The following PITRM1 variants were observed in gnomAD, a reference collection of about 807,000 sequenced individuals.
The protein encoded by PITRM1 is pitrilysin metallopeptidase 1.
A neutral mutation model predicts 129.9 loss-of-function variants in PITRM1; 100 were observed. The observed-to-expected ratio is 0.77, with a 90% confidence interval of 0.65 to 0.91. The LOEUF (loss-of-function observed/expected upper bound fraction) is 0.91. Among genes scored for constraint, PITRM1 ranks in the 40% least tolerant of loss-of-function variants. The pLI is 0.00. For synonymous variants in PITRM1, 591 were observed against 508.8 expected (o/e 1.16, Z -2.17); for missense variants, 1,471 against 1,318.3 (o/e 1.12, Z -1.79).
rs142560962 is a variant in PITRM1 at position 3,159,954 on chromosome 10, G to C, written c.919-18C>G. 4.4e-5 allele frequency: 67 copies of C among 1,528,034 alleles called. No homozygotes were observed. The highest frequency in any genetic ancestry group is 5.8e-5 in the Non-Finnish European group (65 of 1,114,140). The allele number at this position is 1,528,034 out of a possible 1,614,324, so 94.7% of individuals were successfully genotyped here. A position where few individuals can be genotyped will look rare whatever the true frequency, so the allele number is the denominator to read the frequency against. On this transcript the variant is annotated intron_variant, in intron 8 of 26. Transcript: ENST00000224949. ...AATTCCCTCTGTAAAATGACGTGAC[G>C]TTGTGAGTAGGCACAGTGTCTGACG...
rs779150706 is a variant in PITRM1 at position 3,138,252 on chromosome 10, G to A, written c.3003C>T (p.Leu1001=). ...EQLFAVSHDK[L]LAVSDRYLGT... ...CCACTCACCTATCGCTCACGGCCAG[G>A]AGCTTGTCGTGGCTGACAGCAAAGA... The change falls in exon 26 of 27, where the codon CTC becomes CTT. Residue 1001 remains leucine (L), a synonymous_variant. Coordinates refer to ENST00000224949, the MANE Select transcript of PITRM1 (RefSeq NM_014889.4). 6 of 1,613,304 alleles carry A rather than the reference G, an allele frequency of 3.7e-6. No homozygotes were observed. Among genetic ancestry groups the A allele is most frequent in the Admixed American group, 1.7e-5 (1 of 60,018 alleles).
At chr10:3,165,102 C>CACT in intron 6 of PITRM1, 136 bp downstream of exon 6, 1 of 725,912 alleles carries the variant, frequency 1.4e-6, no homozygotes, top group Non-Finnish European at 2.2e-6. Context: ...CTGCTCACAG[C>CACT]ACTGACCCCA....
At position 3,163,820 on chromosome 10, in the gene PITRM1, T is replaced by C; in HGVS notation, c.696A>G (p.Ser232=). ...ACAGTGGGTCACCCCCGGAGACCAC[T>C]GAGTACGTGTGGTCAGGAAGAAGTC... ...QNRLLPDHTY[S]VVSGGDPLCI... Residue 232 remains serine, a synonymous_variant, in exon 7 of 27, where the codon TCA becomes TCG. Coordinates refer to ENST00000224949, the MANE Select transcript of PITRM1 (RefSeq NM_014889.4). 1 of 1,611,134 alleles carries C rather than the reference T, an allele frequency of 6.2e-7. No individual in the cohort carries two copies. Among genetic ancestry groups the C allele is most frequent in the South Asian group, 1.1e-5 (1 of 90,894 alleles).
intron 1 of PITRM1, 139 bp downstream of exon 1, chr10:3,172,578 C>T: frequency 1.3e-6 from 1 of 756,564 alleles, no homozygotes; most frequent in Non-Finnish European, 2.0e-6. Context: ...CCAGGAAGGG[C>T]TCGGGGTGCG....
chr10:3,147,348 G>T, intron 19 of PITRM1, 98 bp from the exon 20 acceptor site: 1 of 1,037,540 alleles, frequency 9.6e-7, no homozygotes, highest in Non-Finnish European at 1.5e-6. Context: ...TGCTTGGGCA[G>T]GGGTTATGTG....
At chr10:3,141,827 G>A (rs1588630007) in intron 23 of PITRM1, 1 of 292,700 alleles carries the variant, frequency 3.4e-6, no homozygotes, top group Non-Finnish European at 7.2e-6. Context: ...GAGAAGTCAC[G>A]ACCATCTCGT....
Position 3,165,510 on chromosome 10 carries a change from A to G in PITRM1, c.436T>C (p.Tyr146His), listed in dbSNP as rs766748665. Residue 146 changes from tyrosine to histidine, a missense_variant, in exon 5 of 27, where the codon TAT (tyrosine) becomes CAT (histidine). Tyr to His is a moderately conservative substitution (Grantham distance 83). Transcript: ENST00000224949. ...TTGGGATTTTGTGTGGAAAATGGAT[A>G]CAGAGTATAATCACTAGCTGGGTAC... is the stretch of plus-strand genomic sequence containing the variant. ...NAFTASDYTL[Y>H]PFSTQNPKDF... 1.3e-6 allele frequency: 2 copies of G among 1,599,472 alleles called. No individual in the cohort carries two copies. The highest frequency in any genetic ancestry group is 2.2e-5 in the South Asian group (2 of 90,572).
intron 7 of PITRM1, chr10:3,163,170 T>A (rs1310961757): frequency 6.7e-6 from 1 of 148,294 alleles, no homozygotes; most frequent in Non-Finnish European, 1.5e-5. Context: ...TATTTTTACA[T>A]AAAATAATCT....
At chr10:3,154,506 A>G (rs146773038) in intron 14 of PITRM1, among the ~76,000 whole-genome samples, 63 of 152,300 alleles carry the variant, frequency 4.1e-4, no homozygotes, top group African/African-American at 1.4e-3. Flanking sequence ...TAGTAGGTGT[A>G]TAATTGTATA....
intron 14 of PITRM1, among the ~76,000 whole-genome samples, chr10:3,154,310 T>C (rs1486592329): frequency 3.3e-5 from 5 of 152,234 alleles, no homozygotes; most frequent in Non-Finnish European, 5.9e-5. Flanking sequence ...TTCATTTCTC[T>C]TGAAGGAACG....
rs767418827 is a variant in PITRM1, at chr10:3,148,230, C to G, written c.1933G>C (p.Gly645Arg). 2.5e-6 allele frequency: 4 copies of G among 1,613,892 alleles called. No individual in the cohort carries two copies. In the East Asian group the frequency reaches 6.7e-5, roughly 27 times the overall value. Residue 645 changes from glycine to arginine, a missense_variant, in exon 17 of 27, where the codon GGG (glycine) becomes CGG (arginine). Transcript: ENST00000224949. The stretch of plus-strand genomic sequence containing the variant: ...AGCACGTGGGGAGAAGCACTCATCC[C>G]TCCGGTCTTCAATTCTATCTGCTGA... ...QAQQIELKTG[G>R]MSASPHVLPD...
intron 23 of PITRM1, chr10:3,141,563 C>A: frequency 2.7e-6 from 1 of 373,114 alleles, no homozygotes; most frequent in Non-Finnish European, 5.7e-6. Context: ...CCAATTTCCT[C>A]TGCCTTCCAC....
chr10:3,162,975 C>T (rs1842571616), intron 7 of PITRM1, among the ~76,000 whole-genome samples: 2 of 152,166 alleles, frequency 1.3e-5, no homozygotes, highest in Admixed American at 1.3e-4. Flanking sequence ...GGCATTAGCT[C>T]ATGTAAGAAA....
In PITRM1 at chr10:3,170,163, A is replaced by C; in HGVS notation, c.100T>G (p.Cys34Gly). 6.2e-7 allele frequency: 1 copy of C among 1,614,010 alleles called. No individual in the cohort carries two copies. The highest frequency in any genetic ancestry group is 8.5e-7 in the Non-Finnish European group (1 of 1,179,870). ...RAWRWNSNRA[C>G]ERALQYKLGD... ...AGTTTATACTGCAGAGCCCTCTCACAAGCCCGGTTACTGTTCCATCGCCAC... is the reference window on the plus strand; with the variant it reads ...AGTTTATACTGCAGAGCCCTCTCACCAGCCCGGTTACTGTTCCATCGCCAC... Residue 34 changes from cysteine to glycine, a missense_variant, in exon 2 of 27, where the codon TGT (cysteine) becomes GGT (glycine). Physicochemically the swap from Cys to Gly is radical, Grantham distance 159. Coordinates refer to ENST00000224949, the MANE Select transcript of PITRM1 (RefSeq NM_014889.4).
At chr10:3,165,587 C>T (rs1842794118) in intron 4 of PITRM1, 60 bp from the exon 5 acceptor site, 3 of 982,966 alleles carry the variant, frequency 3.1e-6, no homozygotes, top group South Asian at 1.4e-5. Flanking sequence ...AAATTATTGA[C>T]TCTCAAGACT....
At chr10:3,170,960 G>GA (rs1843281683) in intron 1 of PITRM1, among the ~76,000 whole-genome samples, 3 of 143,298 alleles carry the variant, frequency 2.1e-5, no homozygotes, top group South Asian at 4.3e-4. Flanking sequence ...AAGACTGTCG[G>GA]AAAAAAAAGA....
At chr10:3,156,014 T>C (rs1447991347) in intron 13 of PITRM1, among the ~76,000 whole-genome samples, 3 of 152,214 alleles carry the variant, frequency 2.0e-5, no homozygotes, top group Non-Finnish European at 4.4e-5. Flanking sequence ...AACATATCAA[T>C]ACTAAACATT....
intron 21 of PITRM1, among the ~76,000 whole-genome samples, chr10:3,144,739 C>T (rs189911243): frequency 1.2e-4 from 18 of 152,146 alleles, no homozygotes; most frequent in South Asian, 2.1e-4. Flanking sequence ...CAGGAGGTCA[C>T]GGCTACAGCT....
intron 19 of PITRM1, 32 bp from the exon 20 acceptor site, chr10:3,147,282 C>A: frequency 6.8e-7 from 1 of 1,476,190 alleles, no homozygotes; most frequent in Non-Finnish European, 9.5e-7. Flanking sequence ...CAGAGAGAGG[C>A]AGAGGCTACA....
Sources: allele counts gnomAD v4.1 joint callset (sites outside exome capture counted in the v4.1 genomes callset), GRCh38; gene constraint gnomAD v4.1.1; transcripts MANE v1.5; gene names NCBI Gene and HGNC (gene_info 2026-07-23, HGNC 2026-07-21).